The following TTC6 variants were observed in gnomAD, a reference collection of about 807,000 sequenced individuals.
The protein encoded by TTC6 is tetratricopeptide repeat domain 6.
A neutral mutation model predicts 210.4 loss-of-function variants in TTC6; 172 were observed. The ratio of observed to expected loss-of-function variants is 0.82; its 90% confidence interval spans 0.72 to 0.93. The LOEUF is 0.93. Among genes scored for constraint, TTC6 ranks in the 40% least tolerant of loss-of-function variants. The pLI is 0.00. For synonymous variants in TTC6, 804 were observed against 819.6 expected, an observed-to-expected ratio of 0.98 and a Z score of 0.32; for missense variants, 2,414 against 2,318.1, an observed-to-expected ratio of 1.04 and a Z score of -0.85.
At chr14:37,604,530 C>G (rs1007526329) in intron 1 of TTC6, among the ~76,000 whole-genome samples, 1 of 152,078 alleles carries the variant, frequency 6.6e-6, no homozygotes, top group Admixed American at 6.6e-5. Flanking sequence ...AGAGTATTGT[C>G]GGAGCCCGCC....
At chr14:37,604,448 C>T (rs1345177357) in intron 1 of TTC6, among the ~76,000 whole-genome samples, 2 of 152,134 alleles carry the variant, frequency 1.3e-5, no homozygotes, top group Non-Finnish European at 2.9e-5. Context: ...AACACATTGT[C>T]CCTTCCTCCC....
At chr14:37,747,409 G>T (rs1279804937) in intron 10 of TTC6, among the ~76,000 whole-genome samples, 1 of 152,196 alleles carries the variant, frequency 6.6e-6, no homozygotes, top group African/African-American at 2.4e-5. Context: ...TGATAATGCA[G>T]TATCCTGGGA....
intron 4 of TTC6, among the ~76,000 whole-genome samples, chr14:37,699,223 A>G (rs2095820299): frequency 6.6e-6 from 1 of 152,236 alleles, no homozygotes; most frequent in Non-Finnish European, 1.5e-5. Flanking sequence ...CACTGTATCC[A>G]TAACTGAAGG....
intron 10 of TTC6, among the ~76,000 whole-genome samples, chr14:37,748,026 T>C (rs2095941123): frequency 6.6e-6 from 1 of 152,184 alleles, no homozygotes; most frequent in African/African-American, 2.4e-5. Context: ...AGTGATGTGA[T>C]CTTATTTACA....
intron 24 of TTC6, among the ~76,000 whole-genome samples, chr14:37,809,405 A>G (rs779886232): frequency 5.9e-5 from 9 of 151,858 alleles, no homozygotes; most frequent in African/African-American, 1.7e-4. Context: ...GGCACCCCCA[A>G]TCATGCCCTG....
intron 14 of TTC6, among the ~76,000 whole-genome samples, chr14:37,772,114 T>TC: frequency 6.6e-6 from 1 of 152,316 alleles, no homozygotes; most frequent in South Asian, 2.1e-4. Flanking sequence ...GTTAGGCTGC[T>TC]CGGGGATCAG....
exon 27 of TTC6, chr14:37,823,853 G>A (rs988647067): frequency 5.0e-6 from 8 of 1,613,770 alleles, no homozygotes; most frequent in Admixed American, 1.7e-5. Context: ...CATGGAATAC[G>A]GTCATGATGA....
At chr14:37,783,624 A>C (rs1336064474) in intron 14 of TTC6, among the ~76,000 whole-genome samples, 1 of 151,868 alleles carries the variant, frequency 6.6e-6, no homozygotes, top group East Asian at 1.9e-4. Context: ...TTGTGTCTCT[A>C]TCTCCCTGAG....
chr14:37,714,644 T>A lies in TTC6; in HGVS notation c.1572-11T>A, dbSNP rs1300190468. ...TTAAAAAGCAAACTTATTGTTCTTA[T>A]CACATTGTAGAATATTGTATGGAAT... On this transcript the variant is annotated splice_polypyrimidine_tract_variant and intron_variant, in intron 5 of 30. Coordinates refer to ENST00000553443, the Ensembl canonical transcript of TTC6. 2.0e-6 allele frequency: 3 copies of A among 1,532,068 alleles called. No homozygotes were observed. The African/African-American group carries it at 4.1e-5, about 21-fold the overall frequency. The allele number at this position is 1,532,068 out of a possible 1,614,324, so 94.9% of individuals were successfully genotyped here. A position where few individuals can be genotyped will look rare whatever the true frequency, so the allele number is the denominator to read the frequency against.
At chr14:37,748,715 G>A (rs1018059800) in intron 10 of TTC6, among the ~76,000 whole-genome samples, 1 of 152,126 alleles carries the variant, frequency 6.6e-6, no homozygotes, top group Non-Finnish European at 1.5e-5. Context: ...GTACTGTAAG[G>A]AGGCTACATC....
chr14:37,676,339 A>G (rs2095769396), intron 1 of TTC6, among the ~76,000 whole-genome samples: 1 of 152,024 alleles, frequency 6.6e-6, no homozygotes. Flanking sequence ...TTTCTACCTT[A>G]AAAACTACTT....
chr14:37,598,598 A>G lies in TTC6; in HGVS notation c.-235+2590A>G, dbSNP rs1413537684. 6.6e-6 allele frequency among the ~76,000 whole-genome samples: 1 copy of G among 152,166 alleles called. No individual in the cohort carries two copies. Among genetic ancestry groups the G allele is most frequent in the Non-Finnish European group, 1.5e-5 (1 of 68,018 alleles). On this transcript the variant is annotated intron_variant, in intron 1 of 2. Transcript: ENST00000556845. The surrounding 1 kb of genome is among the most constrained non-coding windows in gnomAD (Gnocchi z 4.9). ...CTGGCTGGGAGCCCCTTCCTCAGAT[A>G]TTCACCAGGCAGGTAGAAGCAGAGG...
chr14:37,631,713 A>G (rs866027717), intron 1 of TTC6, among the ~76,000 whole-genome samples: 2 of 152,282 alleles, frequency 1.3e-5, no homozygotes, highest in South Asian at 4.2e-4. Flanking sequence ...GTGTTTTCCA[A>G]CTTGGTTCCA....
intron 2 of TTC6, among the ~76,000 whole-genome samples, chr14:37,608,286 T>TTGTGTG (rs142169592): frequency 2.6e-5 from 4 of 151,204 alleles, no homozygotes; most frequent in Admixed American, 6.6e-5. Flanking sequence ...CAAGTTTTTT[T>TTGTGTG]TGTGTGTGTG....
chr14:37,738,220 A>G (rs1329255881), intron 9 of TTC6, among the ~76,000 whole-genome samples: 1 of 150,688 alleles, frequency 6.6e-6, no homozygotes, highest in African/African-American at 2.4e-5. Context: ...AATTAAGCTG[A>G]TTCTCTAATG....
chr14:37,726,203 A>G (rs1006924282), intron 7 of TTC6, among the ~76,000 whole-genome samples: 1 of 152,190 alleles, frequency 6.6e-6, no homozygotes, highest in Non-Finnish European at 1.5e-5. Flanking sequence ...ATGAAAACAC[A>G]TATATCAGAA....
chr14:37,787,001 A>G (rs2096069305), intron 14 of TTC6, among the ~76,000 whole-genome samples: 1 of 152,200 alleles, frequency 6.6e-6, no homozygotes, highest in South Asian at 2.1e-4. Flanking sequence ...TCCGTGAAAG[A>G]GCAGACTTTC....
intron 14 of TTC6, among the ~76,000 whole-genome samples, chr14:37,773,898 G>GT (rs990736381): frequency 5.3e-5 from 8 of 152,036 alleles, no homozygotes; most frequent in Middle Eastern, 3.2e-3. Flanking sequence ...AGCATGGAAT[G>GT]TTTTTTTCGT....
chr14:37,788,780 G>A (rs2096073203), intron 15 of TTC6, among the ~76,000 whole-genome samples: 1 of 152,092 alleles, frequency 6.6e-6, no homozygotes, highest in African/African-American at 2.4e-5. Flanking sequence ...GTTACTGAAT[G>A]CTTTAGGGTT....
Sources: gnomAD v4.1 joint callset for allele counts (sites outside exome capture counted in the v4.1 genomes callset) on GRCh38, gnomAD v4.1.1 for gene constraint, Gnocchi (gnomAD v3.1) non-coding constraint, MANE v1.5 for transcripts, NCBI Gene and HGNC (gene_info 2026-07-23, HGNC 2026-07-21) for gene names.